KCNG3: variants seen among roughly 807,000 people sequenced by gnomAD.
The protein encoded by KCNG3 is potassium voltage-gated channel modifier subfamily G member 3.
In KCNG3, 15 loss-of-function variants were observed where a neutral mutation model predicts 29.0. The ratio of observed to expected loss-of-function variants is 0.52; its 90% confidence interval spans 0.35 to 0.80. KCNG3 has a LOEUF of 0.80. Ranked by LOEUF, KCNG3 falls within the 30% of genes least tolerant of loss-of-function variation. KCNG3 has a pLI of 0.01. For synonymous variants in KCNG3, 322 were observed against 248.9 expected (o/e 1.29, Z -2.76); for missense variants, 512 against 605.7 (o/e 0.85, Z 1.62).
intron 1 of KCNG3, among the ~76,000 whole-genome samples, chr2:42,475,028 C>A (rs966459670): frequency 6.6e-6 from 1 of 152,192 alleles, no homozygotes; most frequent in Non-Finnish European, 1.5e-5. Context: ...GCACACAGTA[C>A]ACAGGTGTTC....
chr2:42,461,618 C>T (rs776488087), intron 1 of KCNG3, among the ~76,000 whole-genome samples: 1 of 152,190 alleles, frequency 6.6e-6, no homozygotes, highest in Non-Finnish European at 1.5e-5. Flanking sequence ...CTCTCCACTC[C>T]GGGTGGGCCC....
At chr2:42,432,036 C>CAAAAA in the KCNG3 span, among the ~76,000 whole-genome samples, 4 of 113,642 alleles carry the variant, frequency 3.5e-5, no homozygotes, top group South Asian at 1.2e-3. Context: ...AAGACTCTAT[C>CAAAAA]AAAAAAAAAA....
intron 1 of KCNG3, among the ~76,000 whole-genome samples, chr2:42,456,281 G>C (rs1306106814): frequency 6.6e-6 from 1 of 152,080 alleles, no homozygotes; most frequent in Non-Finnish European, 1.5e-5. Context: ...CAGCACTTCA[G>C]GAGGCCAACG....
chr2:42,411,707 T>C, the KCNG3 span, among the ~76,000 whole-genome samples: 6 of 152,230 alleles, frequency 3.9e-5, no homozygotes, highest in Non-Finnish European at 8.8e-5. Flanking sequence ...GGTCTCGAAC[T>C]CCTGGCATCA....
chr2:42,483,522 C>T (rs1430534355), intron 1 of KCNG3, among the ~76,000 whole-genome samples: 2 of 152,212 alleles, frequency 1.3e-5, no homozygotes, highest in Non-Finnish European at 2.9e-5. Flanking sequence ...CAGGGCGCCA[C>T]TGACCCACTG....
At chr2:42,421,726 G>A in the KCNG3 span, among the ~76,000 whole-genome samples, 1 of 152,040 alleles carries the variant, frequency 6.6e-6, no homozygotes, top group Non-Finnish European at 1.5e-5. Context: ...TTAGAATTGG[G>A]GAAAAAACCC....
At position 42,444,390 on chromosome 2, in the gene KCNG3, T is replaced by A; in HGVS notation, c.855A>T (p.Gly285=). ...TGENSQLQRA[G]VTLRVLRMMR... Reference sequence around the variant, plus strand: ...TCATTCTAAGTACCCTCAAGGTGACTCCAGCCCTCTGGAGTTGAGAGTTCT... The same window carrying A: ...TCATTCTAAGTACCCTCAAGGTGACACCAGCCCTCTGGAGTTGAGAGTTCT... Residue 285 remains glycine (G), a synonymous_variant, in exon 2 of 2, where the codon GGA becomes GGT. Coordinates refer to ENST00000306078, the MANE Select transcript of KCNG3 (RefSeq NM_133329.6). This position sits in a 1 kb window ranked among gnomAD's most constrained non-coding sequence, Gnocchi z 5.8. The A allele has an allele frequency of 1.2e-6, 2 of 1,614,182 alleles. No individual in the cohort carries two copies. Among genetic ancestry groups the A allele is most frequent in the Non-Finnish European group, 1.7e-6 (2 of 1,180,040 alleles).
At chr2:42,425,531 T>C in the KCNG3 span, among the ~76,000 whole-genome samples, 1 of 151,820 alleles carries the variant, frequency 6.6e-6, no homozygotes, top group Non-Finnish European at 1.5e-5. Flanking sequence ...GTCTTTTTAC[T>C]AGGAGAACTG....
chr2:42,444,282 T>C lies in KCNG3; in HGVS notation c.963A>G (p.Arg321=), dbSNP rs1672548638. Residue 321 remains arginine (R), a synonymous_variant, in exon 2 of 2, where the codon CGA becomes CGG. Transcript: ENST00000306078. This position sits in a 1 kb window ranked among gnomAD's most constrained non-coding sequence, Gnocchi z 5.8. ...TGAAGACAAGTAACATAACCATCTC[T>C]CGGTAGCAACGTTTGAGAGTCAAAC... The part of the protein sequence containing the change: ...TLGLTLKRCY[R]EMVMLLVFIC... The C allele has an allele frequency of 6.2e-7, 1 of 1,613,996 alleles. No individual in the cohort carries two copies. The highest frequency in any genetic ancestry group is 8.5e-7 in the Non-Finnish European group (1 of 1,180,030).
chr2:42,403,488 T>TG, the KCNG3 span, among the ~76,000 whole-genome samples: 1 of 146,858 alleles, frequency 6.8e-6, no homozygotes, highest in African/African-American at 2.5e-5. Context: ...TTTTTTTTTT[T>TG]TTTTTTTTTG....
chr2:42,468,757 A>T (rs903877889), intron 1 of KCNG3, among the ~76,000 whole-genome samples: 4 of 151,842 alleles, frequency 2.6e-5, no homozygotes, highest in African/African-American at 9.7e-5. Context: ...GTTCAAGACC[A>T]ACCTGGCCAA....
At chr2:42,431,852 A>C in the KCNG3 span, among the ~76,000 whole-genome samples, 1 of 152,310 alleles carries the variant, frequency 6.6e-6, no homozygotes, top group African/African-American at 2.4e-5. Context: ...AGCCTGGCCA[A>C]CATGGCGAAA....
chr2:42,456,659 A>G (rs1365377655), intron 1 of KCNG3, among the ~76,000 whole-genome samples: 1 of 152,218 alleles, frequency 6.6e-6, no homozygotes, highest in African/African-American at 2.4e-5. Context: ...CAACTAGAAG[A>G]GCAATCACCA....
At chr2:42,434,935 T>G in the KCNG3 span, among the ~76,000 whole-genome samples, 1 of 152,162 alleles carries the variant, frequency 6.6e-6, no homozygotes, top group African/African-American at 2.4e-5. Flanking sequence ...GGACTCCTAC[T>G]TCATAACAGA....
the KCNG3 span, among the ~76,000 whole-genome samples, chr2:42,420,833 C>G: frequency 6.6e-6 from 1 of 152,100 alleles, no homozygotes; most frequent in Non-Finnish European, 1.5e-5. Flanking sequence ...GGCCAGCACT[C>G]TCAGTGACAA....
At chr2:42,457,499 A>G (rs1451511728) in intron 1 of KCNG3, among the ~76,000 whole-genome samples, 4 of 151,830 alleles carry the variant, frequency 2.6e-5, no homozygotes, top group African/African-American at 4.8e-5. Context: ...TTCAAAAAAA[A>G]AGAGAGAAGT....
intron 1 of KCNG3, among the ~76,000 whole-genome samples, chr2:42,489,306 C>T (rs149282007): frequency 6.6e-4 from 100 of 152,222 alleles, no homozygotes; most frequent in African/African-American, 2.2e-3. Context: ...GGGAAAATCA[C>T]CTGACTCCAG....
chr2:42,423,285 C>G, the KCNG3 span, among the ~76,000 whole-genome samples: 6 of 152,238 alleles, frequency 3.9e-5, no homozygotes, highest in African/African-American at 7.2e-5. Flanking sequence ...ATGGGTCCCA[C>G]TGTCCCCAGT....
intron 1 of KCNG3, among the ~76,000 whole-genome samples, chr2:42,490,987 A>G (rs777101118): frequency 1.5e-4 from 23 of 152,198 alleles, no homozygotes; most frequent in Non-Finnish European, 2.6e-4. Context: ...TGGTTTTCAT[A>G]TACCTACACT....
Sources: gnomAD v4.1 joint callset for allele counts (sites outside exome capture counted in the v4.1 genomes callset) on GRCh38, gnomAD v4.1.1 for gene constraint, Gnocchi (gnomAD v3.1) non-coding constraint, MANE v1.5 for transcripts, NCBI Gene and HGNC (gene_info 2026-07-23, HGNC 2026-07-21) for gene names.